The following PON3 variants were observed in gnomAD, a reference collection of about 807,000 sequenced individuals.
The protein encoded by PON3 is serum paraoxonase/lactonase 3.
In PON3, 37 loss-of-function variants were observed where a neutral mutation model predicts 36.3. The observed-to-expected ratio is 1.02, with a 90% confidence interval of 0.78 to 1.34. The LOEUF is 1.34. Among genes scored for constraint, PON3 ranks in the 40% most tolerant of loss-of-function variants. The pLI is 0.00. For synonymous variants in PON3, 155 were observed against 154.8 expected (o/e 1.00, Z -0.01); for missense variants, 415 against 426.5 (o/e 0.97, Z 0.24).
chr7:95,361,023 C>A (rs554246122), intron 8 of PON3, among the ~76,000 whole-genome samples: 1 of 151,964 alleles, frequency 6.6e-6, no homozygotes, highest in African/African-American at 2.4e-5. Context: ...AATAGAGATA[C>A]GAAAAAGATC....
At position 95,362,493 on chromosome 7, in the gene PON3, T is replaced by C. The variant is rs1326980541; in HGVS notation, c.778-3A>G. 5.6e-6 allele frequency: 9 copies of C among 1,613,504 alleles called. No individual in the cohort carries two copies. Among genetic ancestry groups the C allele is most frequent in the South Asian group, 1.1e-5 (1 of 91,084 alleles). On this transcript the variant is annotated splice_region_variant and splice_polypyrimidine_tract_variant and intron_variant, in intron 7 of 8. Transcript: ENST00000265627. ...ACTAAGGTGCCCAACTGTATCACCT[T>C]ACAACAAAGAGGGAGTAGTGAAGAC...
At chr7:95,366,951 C>A (rs1808709684) in intron 5 of PON3, among the ~76,000 whole-genome samples, 1 of 152,192 alleles carries the variant, frequency 6.6e-6, no homozygotes, top group African/African-American at 2.4e-5. Context: ...TGTAATTAAA[C>A]AAAGAAGTGG....
At chr7:95,361,669 A>G (rs549336159) in intron 8 of PON3, among the ~76,000 whole-genome samples, 1 of 152,334 alleles carries the variant, frequency 6.6e-6, no homozygotes, top group East Asian at 1.9e-4. Context: ...CATAAGTACA[A>G]TGTCTGACAC....
At chr7:95,394,511 G>C in intron 2 of PON3, 133 bp downstream of exon 2, 3 of 758,646 alleles carry the variant, frequency 4.0e-6, no homozygotes, top group Admixed American at 2.0e-5. Flanking sequence ...GCATGGGGCA[G>C]AGTGGACGGG....
chr7:95,364,980 A>C (rs1020166680), intron 5 of PON3: 16 of 152,310 alleles, frequency 1.1e-4, no homozygotes, highest in African/African-American at 3.6e-4. Context: ...ATTTGGGTGA[A>C]TCAGGAAATA....
intron 5 of PON3, among the ~76,000 whole-genome samples, chr7:95,366,351 T>C (rs1808693333): frequency 6.6e-6 from 1 of 152,316 alleles, no homozygotes; most frequent in South Asian, 2.1e-4. Flanking sequence ...TTCTCCGCTA[T>C]GGCCTCAGAA....
Sources: allele counts gnomAD v4.1 joint callset (sites outside exome capture counted in the v4.1 genomes callset), GRCh38; gene constraint gnomAD v4.1.1; transcripts MANE v1.5; gene names NCBI Gene and HGNC (gene_info 2026-07-23, HGNC 2026-07-21).